Variants in CHD1 observed in about 807,000 individuals in gnomAD.
CHD1 encodes the protein chromodomain helicase DNA binding protein 1, also known as ATP-dependent chromatin remodeler CHD1.
Under a neutral mutation model 224.2 loss-of-function variants are expected in CHD1, and 36 were observed. The observed-to-expected ratio is 0.16, with a 90% CI of 0.12 to 0.21. The LOEUF is 0.21. CHD1 is among the 10% of genes least tolerant of loss of function. CHD1 has a pLI of 1.00. For synonymous variants in CHD1, 668 were observed against 658.3 expected (o/e 1.01, Z -0.23); for missense variants, 1,378 against 1,994.8 (o/e 0.69, Z 5.89).
chr5:98,860,015 T>C lies in CHD1; in HGVS notation c.4481A>G (p.His1494Arg), dbSNP rs2112450758. 2.6e-6 allele frequency: 4 copies of C among 1,566,068 alleles called. No homozygotes were observed. The highest frequency in any genetic ancestry group is 2.0e-5 in the Admixed American group (1 of 50,664). The change falls in exon 33 of 36, where the codon CAT becomes CGT. Residue 1494 changes from histidine to arginine, a missense_variant. By Grantham distance (29) the His-to-Arg change is conservative. This residue lies in a region of CHD1 where 278 missense variants were observed against 298.5 expected (regional missense o/e 0.93). Coordinates refer to ENST00000614616, the MANE Select transcript of CHD1 (RefSeq NM_001270.4). Reference sequence around the variant, plus strand: ...TTTAATAGCATGCTTATATAATTTATGTAATTTTCTTGCATCAAATTCAGT... The same window carrying C: ...TTTAATAGCATGCTTATATAATTTACGTAATTTTCTTGCATCAAATTCAGT... ...KFTEFDARKL[H>R]KLYKHAIKKR...
chr5:98,920,033 CAATTT>C (rs770759553), intron 2 of CHD1, among the ~76,000 whole-genome samples: 123 of 151,900 alleles, frequency 8.1e-4, no homozygotes, highest in Non-Finnish European at 1.2e-3. Flanking sequence ...AAGGCTAGAT[CAATTT>C]AAGTAACAAA....
At chr5:98,899,209 T>A (rs1256070074) in intron 8 of CHD1, among the ~76,000 whole-genome samples, 2 of 152,200 alleles carry the variant, frequency 1.3e-5, no homozygotes, top group African/African-American at 4.8e-5. Context: ...TACCCAATTT[T>A]ACATTTACAA....
chr5:98,909,644 T>C (rs1215424967), intron 2 of CHD1, among the ~76,000 whole-genome samples: 1 of 152,174 alleles, frequency 6.6e-6, no homozygotes, highest in Non-Finnish European at 1.5e-5. Flanking sequence ...CTTTCCCTCA[T>C]CATATTTGTT....
At position 98,928,559 on chromosome 5, in the gene CHD1, A is replaced by T. The variant is rs1753658395; in HGVS notation, c.-169T>A. ...CTTACCGGCGGGCTTGGCGGGGCGG[A>T]GGGAGCCGACTCGGGTGGACGGCCT... On this transcript the variant is annotated 5_prime_UTR_variant, in exon 1 of 36. Coordinates refer to ENST00000614616, the MANE Select transcript of CHD1 (RefSeq NM_001270.4). The T allele has an allele frequency of 6.6e-6, 1 of 150,722 alleles. No individual in the cohort carries two copies. Among genetic ancestry groups the T allele is most frequent in the Non-Finnish European group, 1.5e-5 (1 of 67,600 alleles). 9.3% of individuals were successfully genotyped at this position (150,722 alleles called of 1,614,324 possible).
intron 25 of CHD1, among the ~76,000 whole-genome samples, chr5:98,874,866 A>G (rs1020240443): frequency 1.6e-4 from 24 of 152,260 alleles, no homozygotes; most frequent in Non-Finnish European, 2.5e-4. Flanking sequence ...TAGATAATTT[A>G]CAGGAAAGAA....
At chr5:98,858,802 T>C (rs1306649247) in intron 34 of CHD1, 162 bp downstream of exon 34, 2 of 469,358 alleles carry the variant, frequency 4.3e-6, no homozygotes, top group Non-Finnish European at 7.4e-6. Context: ...ACATTTTACA[T>C]AATAATGTAG....
intron 13 of CHD1, 53 bp downstream of exon 13, chr5:98,894,544 A>G (rs1354448205): frequency 3.1e-6 from 2 of 645,094 alleles, no homozygotes; most frequent in Non-Finnish European, 5.3e-6. Flanking sequence ...AGCATATGAT[A>G]AAGAAAAAAC....
Position 98,856,633 on chromosome 5 carries a change from GATCT to G in CHD1, c.4876_4879del (p.Arg1626LeufsTer53). ...TGAGTGAGAACGATGATCAGAATGA[GATCT>G]ATCTTTTAAACTTCCTTCCAAATTT... On this transcript the variant is annotated frameshift_variant, in exon 36 of 36. Transcript: ENST00000614616. LOFTEE classifies it high-confidence loss of function. 1.2e-6 allele frequency: 2 copies of G among 1,613,586 alleles called. No homozygotes were observed. Among genetic ancestry groups the G allele is most frequent in the Non-Finnish European group, 8.5e-7 (1 of 1,179,658 alleles).
intron 14 of CHD1, 31 bp downstream of exon 14, chr5:98,893,385 C>A (rs754412731): frequency 1.3e-6 from 2 of 1,488,866 alleles, no homozygotes; most frequent in Non-Finnish European, 1.8e-6. Flanking sequence ...AATATCCACA[C>A]AATATGATTA....
At chr5:98,897,717 T>C (rs1204194037) in intron 10 of CHD1, among the ~76,000 whole-genome samples, 3 of 152,178 alleles carry the variant, frequency 2.0e-5, no homozygotes, top group East Asian at 1.9e-4. Flanking sequence ...AATGTAATTC[T>C]TGTAATAAGG....
chr5:98,881,062 T>C lies in CHD1; in HGVS notation c.3060+14A>G, dbSNP rs1214800371. On this transcript the variant is annotated intron_variant, in intron 22 of 35. Transcript: ENST00000614616. ...AATTTATGTAATTACAAGGAAAATTTTGTTTAAATCTACCTTGAACTGGGA... is the reference window on the plus strand; with the variant it reads ...AATTTATGTAATTACAAGGAAAATTCTGTTTAAATCTACCTTGAACTGGGA... The C allele has an allele frequency of 1.3e-6, 2 of 1,514,580 alleles. No individual in the cohort carries two copies. Among genetic ancestry groups the C allele is most frequent in the Non-Finnish European group, 9.1e-7 (1 of 1,095,910 alleles). 93.8% of individuals were successfully genotyped at this position (1,514,580 alleles called of 1,614,324 possible). A position where few individuals can be genotyped will look rare whatever the true frequency, so the allele number is the denominator to read the frequency against.
intron 31 of CHD1, 144 bp downstream of exon 31, chr5:98,868,351 A>AT: frequency 5.0e-6 from 3 of 598,024 alleles, no homozygotes; most frequent in Non-Finnish European, 5.2e-6. Flanking sequence ...AAAAAAAAAA[A>AT]GACACCCTTC....
chr5:98,876,605 T>A, intron 23 of CHD1, 47 bp from the exon 24 acceptor site: 1 of 1,517,952 alleles, frequency 6.6e-7, no homozygotes, highest in Non-Finnish European at 9.1e-7. Context: ...AAACAGCTTG[T>A]ATCTTAAGAG....
intron 2 of CHD1, among the ~76,000 whole-genome samples, chr5:98,910,682 T>C (rs2112579496): frequency 6.6e-6 from 1 of 152,264 alleles, no homozygotes; most frequent in Non-Finnish European, 1.5e-5. Context: ...CTTTCACAAA[T>C]AATCATTAAC....
rs1313868839 is a variant in CHD1 at position 98,855,402 on chromosome 5, AGT to A, written c.*976_*977del. On this transcript the variant is annotated 3_prime_UTR_variant, in exon 36 of 36. Transcript: ENST00000614616. ...CTTTTGGCCGTTTTGGATTCTGAAA[AGT>A]GTTTATACACCTACCCTTTTAAACC... 1 of 152,604 alleles carries A rather than the reference AGT, an allele frequency of 6.6e-6. No homozygotes were observed. The highest frequency in any genetic ancestry group is 2.4e-5 in the African/African-American group (1 of 41,456). 9.5% of individuals were successfully genotyped at this position (152,604 alleles called of 1,614,324 possible).
At chr5:98,863,172 T>C (rs1748602068) in intron 32 of CHD1, among the ~76,000 whole-genome samples, 1 of 152,078 alleles carries the variant, frequency 6.6e-6, no homozygotes, top group Admixed American at 6.5e-5. Context: ...TGAAACAGCT[T>C]TCACTATTTC....
chr5:98,860,087 A>C lies in CHD1; in HGVS notation c.4428-19T>G. The C allele has an allele frequency of 7.4e-7, 1 of 1,351,086 alleles. No homozygotes were observed. Among genetic ancestry groups the C allele is most frequent in the Non-Finnish European group, 1.0e-6 (1 of 955,724 alleles). The allele number at this position is 1,351,086 out of a possible 1,614,324, so 83.7% of individuals were successfully genotyped here. On this transcript the variant is annotated intron_variant, in intron 32 of 35. Transcript: ENST00000614616. ...CAGGTTTCTAGAAGAATTTAAAAAA[A>C]GGCAAATTAAGTTAGTCTGGTGGAA...
At position 98,905,979 on chromosome 5, in the gene CHD1, AC is replaced by A. The variant is rs1217241599; in HGVS notation, c.54-882del. Among the ~76,000 whole-genome samples the A allele has an allele frequency of 3.9e-5, 6 of 152,294 alleles. No homozygotes were observed. The East Asian group carries it at 1.2e-3, about 29-fold the overall frequency. On this transcript the variant is annotated intron_variant, in intron 2 of 35. Coordinates refer to ENST00000614616, the MANE Select transcript of CHD1 (RefSeq NM_001270.4). Reference sequence around the variant, plus strand: ...GTAATTTCATTTGGCTTTATGAGAAACCACAGGTAATACAGTTTACAGATAT... The same window carrying A: ...GTAATTTCATTTGGCTTTATGAGAAACACAGGTAATACAGTTTACAGATAT...
At chr5:98,899,730 T>C (rs1317641683) in intron 7 of CHD1, 25 bp from the exon 8 acceptor site, 3 of 1,496,852 alleles carry the variant, frequency 2.0e-6, no homozygotes, top group Middle Eastern at 1.7e-4. Flanking sequence ...ACAAGATCCT[T>C]CCATGTAATT....
Sources: allele counts gnomAD v4.1 joint callset (sites outside exome capture counted in the v4.1 genomes callset), GRCh38; gene constraint gnomAD v4.1.1; regional missense constraint gnomAD v4.1.1; transcripts MANE v1.5; gene names NCBI Gene and HGNC (gene_info 2026-07-23, HGNC 2026-07-21).